FMN2: variants seen among roughly 807,000 people sequenced by gnomAD.
FMN2 encodes formin 2.
Under a neutral mutation model 142.3 loss-of-function variants are expected in FMN2, and 51 were observed. That is an observed-to-expected ratio of 0.36 (90% CI 0.29 to 0.45). The LOEUF (loss-of-function observed/expected upper bound fraction) is 0.45, where lower values mean the gene tolerates loss of function less well. Among genes scored for constraint, FMN2 ranks in the 20% least tolerant of loss-of-function variants. The probability of loss-of-function intolerance (pLI) is 1.00; values close to 1 mark genes in which losing one functional copy is unlikely to be tolerated. For synonymous variants in FMN2, 882 were observed against 869.8 expected (o/e 1.01, Z -0.25); for missense variants, 1,936 against 2,122.8 (o/e 0.91, Z 1.73).
intron 13 of FMN2, 80 bp from the exon 14 acceptor site, chr1:240,355,736 A>C: frequency 1.1e-6 from 1 of 916,428 alleles, no homozygotes; most frequent in Non-Finnish European, 1.7e-6. Flanking sequence ...ATTTTCTAAC[A>C]TTAGCTAAGA....
intron 1 of FMN2, among the ~76,000 whole-genome samples, chr1:240,100,386 T>A (rs945098053): frequency 6.6e-6 from 1 of 152,192 alleles, no homozygotes; most frequent in East Asian, 1.9e-4. Flanking sequence ...AAGGAACCAT[T>A]AGGAAGAAAC....
chr1:240,216,089 T>G (rs1237364837), intron 6 of FMN2, among the ~76,000 whole-genome samples: 1 of 152,128 alleles, frequency 6.6e-6, no homozygotes, highest in Non-Finnish European at 1.5e-5. Flanking sequence ...AAAGTTTGAG[T>G]GGTATGAGAT....
At chr1:240,148,606 T>C (rs1271000130) in intron 2 of FMN2, among the ~76,000 whole-genome samples, 1 of 152,180 alleles carries the variant, frequency 6.6e-6, no homozygotes, top group East Asian at 1.9e-4. Context: ...ACAAGAACTT[T>C]CTCTATTTAA....
chr1:240,368,691 CTG>C (rs995352863), intron 14 of FMN2, among the ~76,000 whole-genome samples: 1 of 151,976 alleles, frequency 6.6e-6, no homozygotes, highest in African/African-American at 2.4e-5. Context: ...TCATTTTGCA[CTG>C]TGTTGTACCT....
chr1:240,228,093 C>T (rs1485827548), intron 6 of FMN2, among the ~76,000 whole-genome samples: 2 of 151,630 alleles, frequency 1.3e-5, no homozygotes, highest in Non-Finnish European at 2.9e-5. Context: ...CACCTGAGGT[C>T]GGGAGTTTGA....
chr1:240,225,906 G>T (rs1023806354), intron 6 of FMN2, among the ~76,000 whole-genome samples: 5 of 152,064 alleles, frequency 3.3e-5, no homozygotes, highest in African/African-American at 1.2e-4. Flanking sequence ...TAACCAAAAT[G>T]GGAAAAAATT....
intron 16 of FMN2, among the ~76,000 whole-genome samples, chr1:240,454,518 G>C (rs574904515): frequency 6.6e-6 from 1 of 152,144 alleles, no homozygotes; most frequent in Non-Finnish European, 1.5e-5. Flanking sequence ...CTTCAGCCTC[G>C]GTGATGGAGT....
At chr1:240,406,309 G>T (rs372563020) in intron 15 of FMN2, among the ~76,000 whole-genome samples, 4 of 82,478 alleles carry the variant, frequency 4.8e-5, no homozygotes, top group Non-Finnish European at 5.1e-5. Flanking sequence ...GCGAAGGGAA[G>T]CAGCCTCGGG....
At chr1:240,105,955 G>T (rs1343106626) in intron 1 of FMN2, among the ~76,000 whole-genome samples, 1 of 151,966 alleles carries the variant, frequency 6.6e-6, no homozygotes, top group Non-Finnish European at 1.5e-5. Flanking sequence ...ATTAAATATG[G>T]TAAGTTTTTG....
intron 2 of FMN2, chr1:240,144,650 G>A: frequency 7.7e-7 from 1 of 1,290,502 alleles, no homozygotes; most frequent in Non-Finnish European, 1.1e-6. Flanking sequence ...TGAGTTCTCA[G>A]GCTCAGACAC....
intron 6 of FMN2, among the ~76,000 whole-genome samples, chr1:240,247,103 C>T (rs1306914896): frequency 6.6e-6 from 1 of 152,208 alleles, no homozygotes; most frequent in Non-Finnish European, 1.5e-5. Flanking sequence ...CTGTCCTCTT[C>T]TGAATGTCTG....
At chr1:240,319,501 C>T (rs1670899649) in intron 8 of FMN2, among the ~76,000 whole-genome samples, 2 of 152,164 alleles carry the variant, frequency 1.3e-5, no homozygotes, top group South Asian at 4.1e-4. Flanking sequence ...TTTCCAACAG[C>T]ATAATTTCAA....
intron 16 of FMN2, among the ~76,000 whole-genome samples, chr1:240,441,771 C>T (rs1331016040): frequency 1.3e-5 from 2 of 151,960 alleles, no homozygotes; most frequent in Admixed American, 6.6e-5. Context: ...ACTGCCTTTC[C>T]CCTCTTTGTG....
intron 7 of FMN2, among the ~76,000 whole-genome samples, chr1:240,285,031 G>A (rs1208157864): frequency 1.2e-4 from 18 of 151,804 alleles, no homozygotes; most frequent in Admixed American, 1.1e-3. Flanking sequence ...TTTCCTTTTT[G>A]ATCTACTTTT....
At chr1:240,310,180 G>C (rs988628254) in intron 8 of FMN2, among the ~76,000 whole-genome samples, 2 of 151,992 alleles carry the variant, frequency 1.3e-5, no homozygotes, top group Non-Finnish European at 2.9e-5. Flanking sequence ...TAAATATATG[G>C]GTAATAATCT....
intron 4 of FMN2, among the ~76,000 whole-genome samples, chr1:240,189,176 A>AC (rs1338709894): frequency 6.6e-6 from 1 of 150,930 alleles, no homozygotes; most frequent in Non-Finnish European, 1.5e-5. Context: ...TTTCTTATTA[A>AC]AAAAAAAAAA....
chr1:240,446,205 A>G (rs1675806822), intron 16 of FMN2, among the ~76,000 whole-genome samples: 1 of 152,228 alleles, frequency 6.6e-6, no homozygotes, highest in Non-Finnish European at 1.5e-5. Context: ...AGGGCTTTGC[A>G]TTTGCTTCTT....
At chr1:240,341,273 T>C (rs1273156756) in intron 13 of FMN2, 1 of 152,228 alleles carries the variant, frequency 6.6e-6, no homozygotes, top group Non-Finnish European at 1.5e-5. Flanking sequence ...TGTAAAAATA[T>C]ATTAAAGTCC....
chr1:240,329,192 G>A, intron 9 of FMN2, 25 bp downstream of exon 9: 11 of 1,613,306 alleles, frequency 6.8e-6, no homozygotes, highest in Non-Finnish European at 9.3e-6. Flanking sequence ...TAACCACGTA[G>A]AGGGCGTCCA....
Sources: gnomAD v4.1 joint callset for allele counts (sites outside exome capture counted in the v4.1 genomes callset) on GRCh38, gnomAD v4.1.1 for gene constraint, MANE v1.5 for transcripts, NCBI Gene and HGNC (gene_info 2026-07-23, HGNC 2026-07-21) for gene names.